The following MAPK10 variants were observed in gnomAD, a reference collection of about 807,000 sequenced individuals.
MAPK10 encodes the protein mitogen-activated protein kinase 10.
A neutral mutation model predicts 59.3 loss-of-function variants in MAPK10; 25 were observed. That is an observed-to-expected ratio of 0.42 (90% CI 0.31 to 0.59). The LOEUF (loss-of-function observed/expected upper bound fraction) is 0.59, where lower values mean the gene tolerates loss of function less well. Among genes scored for constraint, MAPK10 ranks in the 20% least tolerant of loss-of-function variants. MAPK10 has a pLI of 0.15. For missense variants in MAPK10, 351 were observed against 568.9 expected, an observed-to-expected ratio of 0.62 and a Z score of 3.90; for synonymous variants, 190 against 200.5, an observed-to-expected ratio of 0.95 and a Z score of 0.44.
rs772448238 is a variant in MAPK10 at position 86,037,199 on chromosome 4, C to T, written c.1111-5768G>A. On this transcript the variant is annotated intron_variant, in intron 11 of 13. Transcript: ENST00000641462. ...CCATGACTTTCTACTAAAGCGATCT[C>T]TTTAACAAGTACCTGTTCAATTCCT... Among the ~76,000 whole-genome samples, 61 of 152,290 alleles carry T rather than the reference C, an allele frequency of 4.0e-4. No homozygotes were observed. In the Middle Eastern group the frequency reaches 0.017, roughly 42 times the overall value.
intron 2 of MAPK10, among the ~76,000 whole-genome samples, chr4:86,336,784 CTTTTTTTTTT>C (rs70948788): frequency 1.2e-4 from 10 of 83,094 alleles, no homozygotes; most frequent in South Asian, 5.5e-4. Context: ...GGAATGACTC[CTTTTTTTTTT>C]TTTTTTTTTT....
chr4:86,377,797 T>C (rs1331133665), intron 1 of MAPK10, among the ~76,000 whole-genome samples: 2 of 152,130 alleles, frequency 1.3e-5, no homozygotes, highest in African/African-American at 4.8e-5. Flanking sequence ...ATATATATTA[T>C]ATAGTCCGAG....
intron 1 of MAPK10, among the ~76,000 whole-genome samples, chr4:86,420,347 T>C (rs955348881): frequency 6.6e-6 from 1 of 152,166 alleles, no homozygotes; most frequent in Non-Finnish European, 1.5e-5. Context: ...TTATTTTGTA[T>C]TATTGAGGAA....
At chr4:86,058,934 T>C (rs191508340) in intron 11 of MAPK10, among the ~76,000 whole-genome samples, 1 of 152,286 alleles carries the variant, frequency 6.6e-6, no homozygotes, top group East Asian at 1.9e-4. Context: ...CACTTCATCA[T>C]GGTTGCTGGT....
chr4:86,119,632 T>C (rs1170044011), intron 4 of MAPK10: 2 of 150,586 alleles, frequency 1.3e-5, no homozygotes, highest in Admixed American at 1.3e-4. Context: ...TCTATTAATG[T>C]ATCCAAGGGC....
At chr4:86,412,453 C>G (rs941454042) in intron 1 of MAPK10, among the ~76,000 whole-genome samples, 2 of 152,138 alleles carry the variant, frequency 1.3e-5, no homozygotes, top group African/African-American at 4.8e-5. Flanking sequence ...GCCTGCCTTG[C>G]TAGGTTAGTG....
At chr4:86,310,222 A>G (rs1276571651) in intron 2 of MAPK10, among the ~76,000 whole-genome samples, 1 of 152,116 alleles carries the variant, frequency 6.6e-6, no homozygotes, top group Non-Finnish European at 1.5e-5. Context: ...ATGTCTCCCT[A>G]AAATGTATAA....
chr4:86,392,101 T>C lies in MAPK10; in HGVS notation c.-121-37457A>G, dbSNP rs148800178. Among the ~76,000 whole-genome samples, 716 of 152,302 alleles carry C rather than the reference T, an allele frequency of 4.7e-3. 6 individuals are homozygous for C. The highest frequency in any genetic ancestry group is 0.01 in the Middle Eastern group (3 of 294). On this transcript the variant is annotated intron_variant, in intron 1 of 13. Transcript: ENST00000361569. ...TTATCATGCTGTGAGCCTGGAACTC[T>C]GCAAGGACAGCTGGCAGAGTCAGAA... is the stretch of plus-strand genomic sequence containing the variant.
At chr4:86,461,715 C>A (rs1042277103) in intron 1 of MAPK10, among the ~76,000 whole-genome samples, 5 of 152,150 alleles carry the variant, frequency 3.3e-5, no homozygotes, top group Admixed American at 6.5e-5. Flanking sequence ...GGAAGAGGTT[C>A]ATCCCTACCC....
chr4:86,420,737 C>G (rs1251222839), intron 1 of MAPK10, among the ~76,000 whole-genome samples: 3 of 152,098 alleles, frequency 2.0e-5, no homozygotes, highest in Non-Finnish European at 4.4e-5. Flanking sequence ...TGCAGTGAGT[C>G]GAGATCACGC....
At chr4:86,157,648 G>A (rs1462742326) in intron 4 of MAPK10, among the ~76,000 whole-genome samples, 1 of 151,794 alleles carries the variant, frequency 6.6e-6, no homozygotes, top group Non-Finnish European at 1.5e-5. Context: ...AGTTGACAAA[G>A]GCAATATAAA....
Position 86,273,224 on chromosome 4 carries a change from G to A in MAPK10, c.-6-78817C>T, listed in dbSNP as rs148075863. 6.0e-3 allele frequency among the ~76,000 whole-genome samples: 920 copies of A among 152,082 alleles called. 8 individuals carry two copies. Among genetic ancestry groups the A allele is most frequent in the African/African-American group, 0.02 (832 of 41,496 alleles). Reference sequence around the variant, plus strand: ...AATAAAAAGAAAATAAAGGCTATGTGAGAGAAGAATTTTATCTTGCTCAAA... The same window carrying A: ...AATAAAAAGAAAATAAAGGCTATGTAAGAGAAGAATTTTATCTTGCTCAAA... On this transcript the variant is annotated intron_variant, in intron 2 of 13. Coordinates refer to ENST00000641462, the MANE Select transcript of MAPK10 (RefSeq NM_138982.4).
chr4:86,587,084 A>T (rs1762700501), intron 1 of MAPK10, among the ~76,000 whole-genome samples: 1 of 152,202 alleles, frequency 6.6e-6, no homozygotes, highest in African/African-American at 2.4e-5. Flanking sequence ...CATATATTGT[A>T]TTTGCTCCTG....
At chr4:86,510,805 G>A (rs774297869) in intron 1 of MAPK10, among the ~76,000 whole-genome samples, 17 of 152,026 alleles carry the variant, frequency 1.1e-4, no homozygotes, top group South Asian at 2.1e-4. Context: ...AATATAGCAC[G>A]TTCTCATTCA....
chr4:86,366,748 G>A (rs546215180), intron 1 of MAPK10, among the ~76,000 whole-genome samples: 1 of 152,326 alleles, frequency 6.6e-6, no homozygotes, highest in African/African-American at 2.4e-5. Flanking sequence ...GATGCAGAAG[G>A]AAATGAAGGT....
At chr4:86,176,854 T>G (rs915157355) in intron 3 of MAPK10, among the ~76,000 whole-genome samples, 2 of 152,042 alleles carry the variant, frequency 1.3e-5, no homozygotes, top group African/African-American at 4.8e-5. Flanking sequence ...ATCACATTTT[T>G]ATAATAATGT....
chr4:86,324,210 C>G (rs531417470), intron 2 of MAPK10, among the ~76,000 whole-genome samples: 174 of 152,140 alleles, frequency 1.1e-3, no homozygotes, highest in African/African-American at 3.6e-3. Context: ...AGTTCGAGAC[C>G]AGCCTGACCA....
At chr4:86,281,993 T>C (rs1471125085) in intron 2 of MAPK10, among the ~76,000 whole-genome samples, 3 of 152,160 alleles carry the variant, frequency 2.0e-5, no homozygotes, top group Non-Finnish European at 4.4e-5. Context: ...TATCTTTGTG[T>C]TTCACAACTG....
At chr4:86,475,519 G>A (rs111280442) in intron 1 of MAPK10, among the ~76,000 whole-genome samples, 5 of 152,116 alleles carry the variant, frequency 3.3e-5, no homozygotes, top group Admixed American at 6.5e-5. Flanking sequence ...CAGGAGACAC[G>A]TTTTATCCGT....
Sources: gnomAD v4.1 joint callset for allele counts (sites outside exome capture counted in the v4.1 genomes callset) on GRCh38, gnomAD v4.1.1 for gene constraint, MANE v1.5 for transcripts, NCBI Gene and HGNC (gene_info 2026-07-23, HGNC 2026-07-21) for gene names.